The following PTDSS1 variants were observed in gnomAD, a reference collection of about 807,000 sequenced individuals.
PTDSS1 encodes phosphatidylserine synthase 1.
In PTDSS1, 45 loss-of-function variants were observed where a neutral mutation model predicts 70.5. The observed-to-expected ratio is 0.64, with a 90% CI of 0.50 to 0.82. The LOEUF is 0.82. Ranked by LOEUF, PTDSS1 falls within the 40% of genes least tolerant of loss-of-function variation. The probability of loss-of-function intolerance (pLI) is 0.00; values close to 1 mark genes in which losing one functional copy is unlikely to be tolerated. For missense variants in PTDSS1, 417 were observed against 586.1 expected (o/e 0.71, Z 2.98); for synonymous variants, 188 against 203.8 (o/e 0.92, Z 0.66).
chr8:96,298,955 G>T (rs137926078), intron 5 of PTDSS1, among the ~76,000 whole-genome samples: 1 of 151,526 alleles, frequency 6.6e-6, no homozygotes, highest in Admixed American at 6.6e-5. Context: ...CAGGAGAATT[G>T]CTTGAACCCG....
At chr8:96,263,797 G>A (rs913048875) in intron 1 of PTDSS1, among the ~76,000 whole-genome samples, 3 of 152,178 alleles carry the variant, frequency 2.0e-5, no homozygotes, top group Non-Finnish European at 4.4e-5. Context: ...CTACACAGTC[G>A]TTTGCATACA....
chr8:96,278,360 T>C (rs1810680108), intron 2 of PTDSS1, among the ~76,000 whole-genome samples: 3 of 152,208 alleles, frequency 2.0e-5, no homozygotes, highest in South Asian at 2.1e-4. Context: ...CTGAGCTATA[T>C]GGCAGAGGAG....
chr8:96,291,853 G>A (rs1382221781), intron 4 of PTDSS1, among the ~76,000 whole-genome samples: 4 of 152,224 alleles, frequency 2.6e-5, no homozygotes, highest in East Asian at 1.9e-4. Flanking sequence ...CTGGTGCTGC[G>A]TATCACACTA....
At position 96,309,374 on chromosome 8, in the gene PTDSS1, G is replaced by A. The variant is rs559210538; in HGVS notation, c.1008-183G>A. The A allele has an allele frequency of 2.8e-4, 141 of 499,696 alleles. No individual in the cohort carries two copies. In the South Asian group the frequency reaches 4.9e-3, roughly 17 times the overall value. 31.0% of individuals were successfully genotyped at this position (499,696 alleles called of 1,614,324 possible). A position where few individuals can be genotyped will look rare whatever the true frequency, so the allele number is the denominator to read the frequency against. Reference sequence around the variant, plus strand: ...CCCCTGCCTCCAGCCTAACCCAAACGCTGAATCTCTTACAGGAATGTTTTA... The same window carrying A: ...CCCCTGCCTCCAGCCTAACCCAAACACTGAATCTCTTACAGGAATGTTTTA... On this transcript the variant is annotated intron_variant, in intron 8 of 12. Coordinates refer to ENST00000517309, the MANE Select transcript of PTDSS1 (RefSeq NM_014754.3).
chr8:96,312,658 T>G (rs1811229481), intron 9 of PTDSS1, among the ~76,000 whole-genome samples: 2 of 152,060 alleles, frequency 1.3e-5, no homozygotes, highest in African/African-American at 4.8e-5. Flanking sequence ...TGAAGACTCT[T>G]GTGAGAACCA....
intron 5 of PTDSS1, among the ~76,000 whole-genome samples, chr8:96,296,344 T>G (rs953588631): frequency 6.6e-6 from 1 of 152,022 alleles, no homozygotes; most frequent in Non-Finnish European, 1.5e-5. Context: ...CTCACCATGT[T>G]AGCCAGGATG....
intron 4 of PTDSS1, among the ~76,000 whole-genome samples, chr8:96,288,829 G>C (rs117002891): frequency 0.012 from 1,845 of 148,638 alleles, 15 homozygotes; most frequent in Non-Finnish European, 0.018. Flanking sequence ...GGGTTTTAAC[G>C]TGTTGGCCAG....
intron 2 of PTDSS1, among the ~76,000 whole-genome samples, chr8:96,277,672 T>C (rs1036051968): frequency 6.6e-6 from 1 of 152,242 alleles, no homozygotes; most frequent in Non-Finnish European, 1.5e-5. Context: ...AATGCTGCCC[T>C]GCACGGCTGT....
At chr8:96,282,557 G>A (rs1810754098) in intron 2 of PTDSS1, among the ~76,000 whole-genome samples, 1 of 152,158 alleles carries the variant, frequency 6.6e-6, no homozygotes, top group South Asian at 2.1e-4. Flanking sequence ...TTTGGATAAA[G>A]CAGAGTCTCT....
Position 96,287,114 on chromosome 8 carries a change from C to A in PTDSS1, c.409C>A (p.Leu137Ile). 6.2e-7 allele frequency: 1 copy of A among 1,614,182 alleles called. No individual in the cohort carries two copies. Among genetic ancestry groups the A allele is most frequent in the Non-Finnish European group, 8.5e-7 (1 of 1,180,032 alleles). The change falls in exon 4 of 13, where the codon CTT (leucine) becomes ATT (isoleucine). Residue 137 changes from leucine to isoleucine, a missense_variant. Around this residue, in one of 3 missense-constraint regions of PTDSS1, gnomAD observed 272 missense variants for 429.5 expected, o/e 0.63. Transcript: ENST00000517309. ...KSLMYWLDPN[L>I]RYATREADVM... is the part of the protein sequence containing the mutation. ...TCTAATGTATTGGCTAGATCCAAAT[C>A]TTCGATACGCCACAAGGGAAGCAGA...
At chr8:96,330,941 G>A in intron 11 of PTDSS1, 85 bp from the exon 12 acceptor site, 1 of 1,132,318 alleles carries the variant, frequency 8.8e-7, no homozygotes, top group Non-Finnish European at 1.3e-6. Context: ...GGAGAGGCAG[G>A]GATGCAGCAT....
At chr8:96,282,962 G>A (rs996380300) in intron 2 of PTDSS1, among the ~76,000 whole-genome samples, 2 of 152,052 alleles carry the variant, frequency 1.3e-5, no homozygotes, top group Non-Finnish European at 1.5e-5. Flanking sequence ...TCCAGAAACA[G>A]GCACCACCCA....
At chr8:96,264,170 C>T (rs1268791912) in intron 1 of PTDSS1, among the ~76,000 whole-genome samples, 2 of 152,156 alleles carry the variant, frequency 1.3e-5, no homozygotes, top group South Asian at 2.1e-4. Flanking sequence ...CATTATGTTG[C>T]CTGATTTTAT....
Position 96,336,443 on chromosome 8 carries a change from G to A in PTDSS1, c.*2877G>A, listed in dbSNP as rs1811594739. The A allele has an allele frequency of 6.6e-6, 1 of 151,932 alleles. No homozygotes were observed. The highest frequency in any genetic ancestry group is 1.5e-5 in the Non-Finnish European group (1 of 68,052). The allele number at this position is 151,932 out of a possible 1,614,324, so 9.4% of individuals were successfully genotyped here. A position where few individuals can be genotyped will look rare whatever the true frequency, so the allele number is the denominator to read the frequency against. On this transcript the variant is annotated 3_prime_UTR_variant, in exon 13 of 13. Coordinates refer to ENST00000517309, the MANE Select transcript of PTDSS1 (RefSeq NM_014754.3). Reference sequence around the variant, plus strand: ...GTGGAGGAGGTTGGACACAGAAGGGGAGGCTAAACACAAGGTGGGGAAGAA... The same window carrying A: ...GTGGAGGAGGTTGGACACAGAAGGGAAGGCTAAACACAAGGTGGGGAAGAA...
intron 9 of PTDSS1, among the ~76,000 whole-genome samples, chr8:96,310,086 G>A (rs1396901858): frequency 6.6e-6 from 1 of 151,480 alleles, no homozygotes; most frequent in Non-Finnish European, 1.5e-5. Context: ...CCAAAGTCAC[G>A]CCACTGCACT....
At position 96,272,363 on chromosome 8, in the gene PTDSS1, A is replaced by G. The variant is rs556663730; in HGVS notation, c.180-936A>G. Among the ~76,000 whole-genome samples the G allele has an allele frequency of 2.5e-4, 38 of 152,344 alleles. 3 individuals are homozygous for G. The South Asian group carries it at 7.9e-3, about 32-fold the overall frequency. The stretch of plus-strand genomic sequence containing the variant: ...TTCCAGAATATATTTATTATAAAGT[A>G]TGAGTTACAGAATGAACCTTCTTTT... On this transcript the variant is annotated intron_variant, in intron 1 of 12. Coordinates refer to ENST00000517309, the MANE Select transcript of PTDSS1 (RefSeq NM_014754.3).
chr8:96,293,761 G>A (rs1810938622), intron 4 of PTDSS1, among the ~76,000 whole-genome samples: 1 of 152,246 alleles, frequency 6.6e-6, no homozygotes, highest in African/African-American at 2.4e-5. Context: ...TTTAAGAGCA[G>A]CCTTCTAAAA....
In PTDSS1 at chr8:96,306,683, A is replaced by G. The variant is rs928045507; in HGVS notation, c.1007+127A>G. On this transcript the variant is annotated intron_variant, in intron 8 of 12. Transcript: ENST00000517309. ...AAAATACCATCGTAAAGAATTGTAC[A>G]TCCAGAATATGACGAAAATGTTTTG... 6.8e-6 allele frequency: 5 copies of G among 737,084 alleles called. No homozygotes were observed. In the East Asian group the frequency reaches 1.3e-4, roughly 19 times the overall value. 45.7% of individuals were successfully genotyped at this position (737,084 alleles called of 1,614,324 possible).
intron 7 of PTDSS1, among the ~76,000 whole-genome samples, 182 bp downstream of exon 7, chr8:96,304,363 C>T (rs1207875068): frequency 6.6e-6 from 1 of 152,184 alleles, no homozygotes; most frequent in Non-Finnish European, 1.5e-5. Flanking sequence ...TAAGGTCTTG[C>T]CTCATTTTGA....
Sources: allele counts gnomAD v4.1 joint callset (sites outside exome capture counted in the v4.1 genomes callset), GRCh38; gene constraint gnomAD v4.1.1; regional missense constraint gnomAD v4.1.1; transcripts MANE v1.5; gene names NCBI Gene and HGNC (gene_info 2026-07-23, HGNC 2026-07-21).